ERC2: variants seen among roughly 807,000 people sequenced by gnomAD.
ERC2 encodes the protein ERC protein 2.
A neutral mutation model predicts 114.8 loss-of-function variants in ERC2; 42 were observed. The observed-to-expected ratio is 0.37, with a 90% CI of 0.29 to 0.47. The LOEUF (loss-of-function observed/expected upper bound fraction) is 0.47, where lower values mean the gene tolerates loss of function less well. Among genes scored for constraint, ERC2 ranks in the 20% least tolerant of loss-of-function variants. The pLI is 0.99. For missense variants in ERC2, 939 were observed against 1,150.7 expected, an observed-to-expected ratio of 0.82 and a Z score of 2.66; for synonymous variants, 454 against 425.5, an observed-to-expected ratio of 1.07 and a Z score of -0.82.
intron 3 of ERC2, among the ~76,000 whole-genome samples, chr3:56,174,951 C>G (rs1014092121): frequency 6.8e-6 from 1 of 148,050 alleles, no homozygotes; most frequent in Admixed American, 6.8e-5. Context: ...GCACCCCAGC[C>G]TGGTGATGGA....
rs970814710 is a variant in ERC2, at chr3:56,059,092, T to C, written c.1641+21725A>G. Among the ~76,000 whole-genome samples the C allele has an allele frequency of 3.5e-5, 3 of 84,786 alleles. No individual in the cohort carries two copies. The Admixed American group carries it at 3.6e-4, about 10-fold the overall frequency. 55.6% of individuals were successfully genotyped at this position (84,786 alleles called of 152,430 possible). ...ACATAAAGATATCTTTTTTTTATTT[T>C]TTTTATTTTTTTTTTTGGAAATGGA... On this transcript the variant is annotated intron_variant, in intron 7 of 17. Coordinates refer to ENST00000288221, the MANE Select transcript of ERC2 (RefSeq NM_015576.3).
intron 3 of ERC2, among the ~76,000 whole-genome samples, chr3:56,276,011 C>T (rs1424746278): frequency 1.3e-5 from 2 of 152,124 alleles, no homozygotes; most frequent in South Asian, 2.1e-4. Flanking sequence ...CTTTCAAAGC[C>T]GCTGTAGATT....
intron 15 of ERC2, among the ~76,000 whole-genome samples, chr3:55,733,686 G>C (rs543709964): frequency 6.6e-5 from 10 of 152,236 alleles, no homozygotes; most frequent in African/African-American, 2.2e-4. Flanking sequence ...GGGGTAAAAG[G>C]GTTAGTCACA....
chr3:55,807,895 C>A (rs535433407), intron 14 of ERC2, among the ~76,000 whole-genome samples: 43 of 152,216 alleles, frequency 2.8e-4, no homozygotes, highest in African/African-American at 9.9e-4. Flanking sequence ...ATAATAGAGT[C>A]TTCCGCTAAA....
At chr3:56,152,602 AG>A in intron 4 of ERC2, among the ~76,000 whole-genome samples, 1 of 152,158 alleles carries the variant, frequency 6.6e-6, no homozygotes, top group Non-Finnish European at 1.5e-5. Flanking sequence ...GTCTCGAGAT[AG>A]GGCAACCATG....
intron 2 of ERC2, among the ~76,000 whole-genome samples, chr3:56,427,492 T>C (rs2061617354): frequency 6.6e-6 from 1 of 152,188 alleles, no homozygotes; most frequent in Non-Finnish European, 1.5e-5. Flanking sequence ...CTGCTTATGT[T>C]GTGGGTCGAA....
intron 17 of ERC2, among the ~76,000 whole-genome samples, chr3:55,644,996 T>G (rs960275957): frequency 3.3e-5 from 5 of 152,082 alleles, no homozygotes; most frequent in Admixed American, 6.6e-5. Context: ...GCGTGAGAAC[T>G]TCCCCCGTTT....
intron 12 of ERC2, among the ~76,000 whole-genome samples, chr3:55,973,153 G>A (rs2069305358): frequency 6.6e-6 from 1 of 152,212 alleles, no homozygotes; most frequent in African/African-American, 2.4e-5. Flanking sequence ...ATCTGGAGTA[G>A]AGGACAGAGA....
In ERC2 at chr3:55,898,510, G is replaced by C. The variant is rs189999319; in HGVS notation, c.2404-9961C>G. 4.6e-5 allele frequency among the ~76,000 whole-genome samples: 7 copies of C among 152,222 alleles called. No individual in the cohort carries two copies. The East Asian group carries it at 1.4e-3, about 29-fold the overall frequency. On this transcript the variant is annotated intron_variant, in intron 13 of 17. Transcript: ENST00000288221. ...GGAAAGGAGCTTGACCTCTATGTAC[G>C]TCAGCTTCCTCTTCTACAAAATGTA...
chr3:55,605,822 G>A (rs2058617370), intron 17 of ERC2, among the ~76,000 whole-genome samples: 1 of 152,196 alleles, frequency 6.6e-6, no homozygotes, highest in African/African-American at 2.4e-5. Flanking sequence ...TTGGTTCAAA[G>A]TGTACAACAT....
chr3:56,060,967 C>T (rs1422814962), intron 7 of ERC2, among the ~76,000 whole-genome samples: 2 of 152,152 alleles, frequency 1.3e-5, no homozygotes, highest in African/African-American at 4.8e-5. Flanking sequence ...ATGATTTGTT[C>T]TGCACTCTCG....
intron 6 of ERC2, among the ~76,000 whole-genome samples, chr3:56,125,884 T>A (rs563705111): frequency 6.6e-6 from 1 of 152,356 alleles, no homozygotes; most frequent in Admixed American, 6.5e-5. Flanking sequence ...TCCATGTCAA[T>A]GGGAATAAAA....
At chr3:56,392,467 ATC>A (rs2060163755) in intron 2 of ERC2, among the ~76,000 whole-genome samples, 1 of 152,098 alleles carries the variant, frequency 6.6e-6, no homozygotes, top group Non-Finnish European at 1.5e-5. Context: ...ACTCAAATAT[ATC>A]TGTTTCTATA....
intron 13 of ERC2, among the ~76,000 whole-genome samples, chr3:55,906,431 CAA>C (rs368262866): frequency 3.9e-3 from 262 of 67,936 alleles, no homozygotes; most frequent in African/African-American, 0.014. Context: ...GACTCTGTCT[CAA>C]AAAAAAAAAA....
Position 55,958,629 on chromosome 3 carries a change from C to T in ERC2, c.2268-8069G>A, listed in dbSNP as rs187734906. ...CCCATGCCAAGCCATCCTCAGCACC[C>T]CTGGCCTCCCACCTGTGCTCGTCAG... On this transcript the variant is annotated intron_variant, in intron 12 of 17. Transcript: ENST00000288221. Among the ~76,000 whole-genome samples, 4 of 152,314 alleles carry T rather than the reference C, an allele frequency of 2.6e-5. No individual in the cohort carries two copies. The East Asian group carries it at 7.7e-4, about 29-fold the overall frequency.
chr3:56,204,386 T>C (rs937674299), intron 3 of ERC2, among the ~76,000 whole-genome samples: 2 of 152,212 alleles, frequency 1.3e-5, no homozygotes, highest in African/African-American at 4.8e-5. Context: ...CTGCTAACTA[T>C]GTAAAGTCTC....
At chr3:55,850,140 G>A (rs1456032208) in intron 14 of ERC2, among the ~76,000 whole-genome samples, 2 of 152,120 alleles carry the variant, frequency 1.3e-5, no homozygotes, top group East Asian at 1.9e-4. Context: ...AACTTCATGC[G>A]AACTTCTGGT....
At chr3:56,411,057 A>G (rs1235701483) in intron 2 of ERC2, among the ~76,000 whole-genome samples, 14 of 151,066 alleles carry the variant, frequency 9.3e-5, no homozygotes, top group African/African-American at 3.4e-4. Context: ...CTCAGAAAAA[A>G]AAAAAAAAAA....
At chr3:55,588,656 T>C (rs2057716793) in intron 17 of ERC2, among the ~76,000 whole-genome samples, 1 of 152,120 alleles carries the variant, frequency 6.6e-6, no homozygotes, top group Non-Finnish European at 1.5e-5. Flanking sequence ...CTGAGTGTGA[T>C]CGAAGAAAAC....
Sources: gnomAD v4.1 joint callset for allele counts (sites outside exome capture counted in the v4.1 genomes callset) on GRCh38, gnomAD v4.1.1 for gene constraint, MANE v1.5 for transcripts, NCBI Gene and HGNC (gene_info 2026-07-23, HGNC 2026-07-21) for gene names.